Variants in SLC25A20 observed in about 807,000 individuals in gnomAD.
SLC25A20 encodes mitochondrial carnitine/acylcarnitine carrier protein.
In SLC25A20, 29 loss-of-function variants were observed where a neutral mutation model predicts 39.7. That is an observed-to-expected ratio of 0.73 (90% CI 0.54 to 1.00). SLC25A20 has a LOEUF of 1.00. Among genes scored for constraint, SLC25A20 ranks in the 50% least tolerant of loss-of-function variants. The pLI is 0.00. For synonymous variants in SLC25A20, 103 were observed against 142.2 expected, an observed-to-expected ratio of 0.72 and a Z score of 1.96; for missense variants, 333 against 379.9, an observed-to-expected ratio of 0.88 and a Z score of 1.03.
At chr3:48,873,968 C>CAAAAAA (rs11316117) in intron 4 of SLC25A20, among the ~76,000 whole-genome samples, 2 of 41,076 alleles carry the variant, frequency 4.9e-5, no homozygotes, top group Non-Finnish European at 8.7e-5. Flanking sequence ...GACTCCATCT[C>CAAAAAA]AAAAAAAAAA....
chr3:48,881,450 G>A (rs1335311258), intron 3 of SLC25A20, among the ~76,000 whole-genome samples: 1 of 152,046 alleles, frequency 6.6e-6, no homozygotes, highest in Non-Finnish European at 1.5e-5. Context: ...ACACTCAATG[G>A]CTGCCTGGCC....
intron 4 of SLC25A20, among the ~76,000 whole-genome samples, chr3:48,872,140 T>A (rs936598527): frequency 2.0e-5 from 3 of 147,388 alleles, no homozygotes; most frequent in Non-Finnish European, 4.5e-5. Context: ...GCCCAATGAT[T>A]TTTTTTTTTT....
chr3:48,894,536 G>C lies in SLC25A20; in HGVS notation c.106-2464C>G, dbSNP rs1183016723. On this transcript the variant is annotated intron_variant, in intron 1 of 8. Coordinates refer to ENST00000319017, the MANE Select transcript of SLC25A20 (RefSeq NM_000387.6). ...GATCCACCCGCCTCGGCCTCCCAAA[G>C]TGCCGGGATTACAAGCATGAGCCAC... Among the ~76,000 whole-genome samples the C allele has an allele frequency of 2.0e-5, 3 of 151,428 alleles. No homozygotes were observed. The East Asian group carries it at 5.9e-4, about 30-fold the overall frequency.
At chr3:48,867,728 G>A (rs12493289) in intron 4 of SLC25A20, among the ~76,000 whole-genome samples, 98,771 of 150,964 alleles carry the variant, frequency 0.65, 33,061 homozygotes, top group East Asian at 0.96. Context: ...GCACAAAGAG[G>A]CCTGGGATCA....
chr3:48,868,230 G>A (rs1263103924), intron 4 of SLC25A20, among the ~76,000 whole-genome samples: 1 of 151,778 alleles, frequency 6.6e-6, no homozygotes, highest in Non-Finnish European at 1.5e-5. Context: ...GGAGAGGTAC[G>A]AAGCGGTCAC....
chr3:48,870,116 T>C (rs1171326301), intron 4 of SLC25A20, among the ~76,000 whole-genome samples: 1 of 149,164 alleles, frequency 6.7e-6, no homozygotes, highest in Non-Finnish European at 1.5e-5. Context: ...AAAAAGGAAA[T>C]AGGCTTGGCA....
At chr3:48,864,343 G>A (rs1486557971) in intron 4 of SLC25A20, among the ~76,000 whole-genome samples, 1 of 63,680 alleles carries the variant, frequency 1.6e-5, no homozygotes, top group Admixed American at 3.2e-4. Context: ...GTAAGACTCT[G>A]TCTCAAAAAA....
chr3:48,857,462 G>C lies in SLC25A20; in HGVS notation c.*248C>G. 1 of 521,474 alleles carries C rather than the reference G, an allele frequency of 1.9e-6. No individual in the cohort carries two copies. The highest frequency in any genetic ancestry group is 3.5e-6 in the Non-Finnish European group (1 of 285,568). 32.3% of individuals were successfully genotyped at this position (521,474 alleles called of 1,614,324 possible). On this transcript the variant is annotated 3_prime_UTR_variant, in exon 9 of 9. Coordinates refer to ENST00000319017, the MANE Select transcript of SLC25A20 (RefSeq NM_000387.6). ...GTAGTATCTGGTCTGGAAGCTACTTGTTCCATTTCCAAATCCTTTTAAGAT... is the reference window on the plus strand; with the variant it reads ...GTAGTATCTGGTCTGGAAGCTACTTCTTCCATTTCCAAATCCTTTTAAGAT...
In SLC25A20 at chr3:48,898,735, G is replaced by A. The variant is rs2083928323; in HGVS notation, c.60C>T (p.Gly20=). 1.9e-6 allele frequency: 3 copies of A among 1,608,394 alleles called. No homozygotes were observed. The highest frequency in any genetic ancestry group is 1.1e-5 in the South Asian group (1 of 90,162). Residue 20 remains glycine (G), a synonymous_variant, in exon 1 of 9, where the codon GGC becomes GGT. Transcript: ENST00000319017. ...GACCGACGAACACCAGGCACACGCCGCCAAAGCCGCCGGCCAGCAGGTTCT... is the reference window on the plus strand; with the variant it reads ...GACCGACGAACACCAGGCACACGCCACCAAAGCCGCCGGCCAGCAGGTTCT... ...PLKNLLAGGF[G]GVCLVFVGHP...
chr3:48,874,244 A>G (rs2083738479), intron 4 of SLC25A20, among the ~76,000 whole-genome samples: 1 of 152,076 alleles, frequency 6.6e-6, no homozygotes, highest in African/African-American at 2.4e-5. Flanking sequence ...GTAAACTGAG[A>G]TTGTGCCACT....
chr3:48,866,527 CTG>C (rs1252213355), intron 4 of SLC25A20, among the ~76,000 whole-genome samples: 18 of 151,778 alleles, frequency 1.2e-4, no homozygotes, highest in African/African-American at 4.3e-4. Context: ...GCATTCCAGC[CTG>C]GGTGACAGAA....
chr3:48,888,264 G>A (rs1375172415), intron 2 of SLC25A20, among the ~76,000 whole-genome samples: 1 of 150,352 alleles, frequency 6.7e-6, no homozygotes, highest in Non-Finnish European at 1.5e-5. Flanking sequence ...GGACGGTTGG[G>A]CAGGCACTGC....
chr3:48,882,071 G>A (rs1575988513), intron 3 of SLC25A20, among the ~76,000 whole-genome samples: 1 of 152,184 alleles, frequency 6.6e-6, no homozygotes, highest in Non-Finnish European at 1.5e-5. Context: ...CTGAGGGCAG[G>A]CCAGCCTCTG....
In SLC25A20 at chr3:48,884,140, G is replaced by GA; in HGVS notation, c.199-17dup. The GA allele has an allele frequency of 6.2e-7, 1 of 1,612,968 alleles. No individual in the cohort carries two copies. Among genetic ancestry groups the GA allele is most frequent in the Non-Finnish European group, 8.5e-7 (1 of 1,179,220 alleles). On this transcript the variant is annotated splice_polypyrimidine_tract_variant and intron_variant, in intron 2 of 8. Transcript: ENST00000319017. Reference sequence around the variant, plus strand: ...CCGTGATGCCCTGCAAGGAATCACAGAAGCAGAAGCTGTTTACAGACACCA... The same window carrying GA: ...CCGTGATGCCCTGCAAGGAATCACAGAAAGCAGAAGCTGTTTACAGACACCA...
chr3:48,878,673 G>A (rs996210979), intron 4 of SLC25A20, among the ~76,000 whole-genome samples: 1 of 151,590 alleles, frequency 6.6e-6, no homozygotes, highest in East Asian at 2.0e-4. Context: ...GGTGGCAGGC[G>A]CCTGCAATCT....
At chr3:48,860,145 A>G (rs1311948097) in intron 5 of SLC25A20, among the ~76,000 whole-genome samples, 1 of 151,190 alleles carries the variant, frequency 6.6e-6, no homozygotes, top group Non-Finnish European at 1.5e-5. Context: ...TACTAAAAAT[A>G]TAAAAATTAG....
intron 4 of SLC25A20, among the ~76,000 whole-genome samples, chr3:48,876,030 A>C (rs1311263501): frequency 1.3e-5 from 2 of 151,896 alleles, no homozygotes; most frequent in African/African-American, 2.4e-5. Flanking sequence ...AAAATAAAGA[A>C]ATAAATAAAA....
intron 1 of SLC25A20, among the ~76,000 whole-genome samples, chr3:48,898,162 G>C (rs2083923032): frequency 6.6e-6 from 1 of 152,194 alleles, no homozygotes; most frequent in South Asian, 2.1e-4. Context: ...CCAGGAGGCT[G>C]AGCAGGCCAC....
chr3:48,861,602 C>T (rs1339416769), intron 5 of SLC25A20, among the ~76,000 whole-genome samples: 1 of 151,786 alleles, frequency 6.6e-6, no homozygotes, highest in African/African-American at 2.4e-5. Context: ...TGGCACACAC[C>T]TGTAACCCCA....
Sources: gnomAD v4.1 joint callset for allele counts (sites outside exome capture counted in the v4.1 genomes callset) on GRCh38, gnomAD v4.1.1 for gene constraint, MANE v1.5 for transcripts, NCBI Gene and HGNC (gene_info 2026-07-23, HGNC 2026-07-21) for gene names.